AFF2: variants seen among roughly 807,000 people sequenced by gnomAD.
AFF2 encodes the protein ALF transcription elongation factor 2, also known as AF4/FMR2 family member 2.
Under a neutral mutation model 76.9 loss-of-function variants are expected in AFF2, and 14 were observed. The ratio of observed to expected loss-of-function variants is 0.18; its 90% confidence interval spans 0.12 to 0.28. The LOEUF is 0.28. Among genes scored for constraint, AFF2 ranks in the 10% least tolerant of loss-of-function variants. The pLI is 1.00. For missense variants in AFF2, 868 were observed against 1,001.1 expected, an observed-to-expected ratio of 0.87 and a Z score of 1.79; for synonymous variants, 398 against 366.7, an observed-to-expected ratio of 1.09 and a Z score of -0.98.
chrX:148,762,591 T>C (rs2069465661), intron 3 of AFF2, among the ~76,000 whole-genome samples: 1 of 109,048 alleles, frequency 9.2e-6, no homozygotes, highest in African/African-American at 3.4e-5. Context: ...ATGATGCTGC[T>C]TAAGCTAGAT....
intron 3 of AFF2, among the ~76,000 whole-genome samples, chrX:148,760,619 A>G (rs1398367671): frequency 2.7e-5 from 3 of 111,713 alleles, no homozygotes; most frequent in Non-Finnish European, 5.6e-5. Flanking sequence ...TGGAAGGGCA[A>G]GTTTTTAGTG....
intron 3 of AFF2, among the ~76,000 whole-genome samples, chrX:148,722,288 A>G (rs1837763691): frequency 9.0e-6 from 1 of 111,480 alleles, no homozygotes; most frequent in Non-Finnish European, 1.9e-5. Context: ...TTGTCAGAGT[A>G]TGGATTTCCC....
intron 1 of AFF2, among the ~76,000 whole-genome samples, chrX:148,567,049 C>T (rs1322655440): frequency 5.4e-5 from 6 of 111,866 alleles, no homozygotes; most frequent in African/African-American, 1.9e-4. Context: ...CAGTACTCCA[C>T]CTTACCTGCG....
Position 148,647,684 on chromosome X carries a change from G to A in AFF2, c.48-4315G>A, listed in dbSNP as rs142118423. On this transcript the variant is annotated intron_variant, in intron 1 of 20. Coordinates refer to ENST00000370460, the MANE Select transcript of AFF2 (RefSeq NM_002025.4). Reference sequence around the variant, plus strand: ...TCTGAAGTGTGATGGAAACACAGGAGGCAGAAGGGACAAACCATGTTGCTT... The same window carrying A: ...TCTGAAGTGTGATGGAAACACAGGAAGCAGAAGGGACAAACCATGTTGCTT... Among the ~76,000 whole-genome samples, 461 of 111,708 alleles carry A rather than the reference G, an allele frequency of 4.1e-3. 3 individuals carry two copies. The highest frequency in any genetic ancestry group is 0.014 in the African/African-American group (428 of 30,699).
At chrX:148,969,189 C>G (rs1557289211) in intron 15 of AFF2, among the ~76,000 whole-genome samples, 1 of 112,838 alleles carries the variant, frequency 8.9e-6, no homozygotes, top group African/African-American at 3.2e-5. Flanking sequence ...ATATGTATGT[C>G]TTTCAAGGGA....
chrX:148,873,411 T>A (rs1212330033), intron 7 of AFF2, among the ~76,000 whole-genome samples: 1 of 110,008 alleles, frequency 9.1e-6, no homozygotes, highest in Non-Finnish European at 1.9e-5. Context: ...TCAGCAAGAA[T>A]GGACACCTTT....
chrX:148,580,519 G>A (rs2053342908), intron 1 of AFF2, among the ~76,000 whole-genome samples: 1 of 111,383 alleles, frequency 9.0e-6, no homozygotes, highest in Non-Finnish European at 1.9e-5. Context: ...AATGTGTCTA[G>A]ATCAGGAATG....
At chrX:148,818,127 A>G (rs1427464609) in intron 4 of AFF2, among the ~76,000 whole-genome samples, 2 of 111,579 alleles carry the variant, frequency 1.8e-5, no homozygotes, top group African/African-American at 3.3e-5. Flanking sequence ...TGTAAAGAAT[A>G]AGAGGCATTA....
intron 2 of AFF2, among the ~76,000 whole-genome samples, chrX:148,655,375 A>C: frequency 9.3e-6 from 1 of 107,106 alleles, no homozygotes; most frequent in Non-Finnish European, 1.9e-5. Flanking sequence ...TCCCATGTTC[A>C]AGTGATTCTC....
intron 1 of AFF2, among the ~76,000 whole-genome samples, chrX:148,567,361 C>T (rs1277442867): frequency 2.7e-5 from 3 of 111,233 alleles, no homozygotes; most frequent in Non-Finnish European, 3.8e-5. Flanking sequence ...AATGTGGTCC[C>T]TGGAGAAGGG....
intron 1 of AFF2, among the ~76,000 whole-genome samples, chrX:148,597,466 G>A (rs1489778995): frequency 3.6e-5 from 4 of 111,897 alleles, no homozygotes; most frequent in Non-Finnish European, 7.5e-5. Flanking sequence ...TAATTACATT[G>A]ATCAGGATCA....
intron 3 of AFF2, among the ~76,000 whole-genome samples, chrX:148,681,458 T>C (rs1194711395): frequency 1.8e-5 from 2 of 110,491 alleles, no homozygotes; most frequent in Admixed American, 9.7e-5. Context: ...TATCCCACAC[T>C]GGATTCTTAG....
chrX:148,865,250 G>C (rs1290078117), intron 7 of AFF2, among the ~76,000 whole-genome samples: 1 of 112,608 alleles, frequency 8.9e-6, no homozygotes, highest in East Asian at 2.8e-4. Context: ...CTGAATTAAA[G>C]GCATCATTGC....
chrX:148,531,316 A>G (rs1603232781), intron 1 of AFF2, among the ~76,000 whole-genome samples: 1 of 111,999 alleles, frequency 8.9e-6, no homozygotes, highest in African/African-American at 3.2e-5. Context: ...AGAATTCTGA[A>G]TATTTATTTT....
chrX:148,785,343 G>A (rs1557269433), intron 3 of AFF2, among the ~76,000 whole-genome samples: 1 of 111,728 alleles, frequency 9.0e-6, no homozygotes, highest in Non-Finnish European at 1.9e-5. Context: ...ATGCAGCCTG[G>A]GAGGTGAAAT....
intron 9 of AFF2, among the ~76,000 whole-genome samples, chrX:148,933,412 T>C (rs1557284609): frequency 9.0e-6 from 1 of 111,478 alleles, no homozygotes; most frequent in East Asian, 2.8e-4. Flanking sequence ...AGATATGATC[T>C]GAATTATGTC....
chrX:148,975,943 CAAAA>C lies in AFF2; in HGVS notation c.3405-1972_3405-1969del, dbSNP rs59057839. Among the ~76,000 whole-genome samples, 22 of 22,721 alleles carry C rather than the reference CAAAA, an allele frequency of 9.7e-4. 1 individual carries two copies. The East Asian group carries it at 0.032, about 33-fold the overall frequency. The allele number at this position is 22,721 out of a possible 115,157, so 19.7% of individuals were successfully genotyped here. A position where few individuals can be genotyped will look rare whatever the true frequency, so the allele number is the denominator to read the frequency against. On this transcript the variant is annotated intron_variant, in intron 16 of 20. Transcript: ENST00000370460. ...TGGGCGACAGAGCGAGACTCCGTCT[CAAAA>C]AAAAAAAAAAAAAAAAATATGAAAG...
intron 3 of AFF2, among the ~76,000 whole-genome samples, chrX:148,801,816 C>T (rs1557270961): frequency 9.0e-6 from 1 of 111,711 alleles, no homozygotes; most frequent in Non-Finnish European, 1.9e-5. Flanking sequence ...ATTTCTCCAC[C>T]TCCTTTCACA....
At chrX:148,871,759 G>A (rs1398450277) in intron 7 of AFF2, among the ~76,000 whole-genome samples, 1 of 111,252 alleles carries the variant, frequency 9.0e-6, no homozygotes, top group African/African-American at 3.3e-5. Flanking sequence ...ACAGGATCTT[G>A]GCTTGGTCTC....
Sources: gnomAD v4.1 joint callset for allele counts (sites outside exome capture counted in the v4.1 genomes callset) on GRCh38, gnomAD v4.1.1 for gene constraint, MANE v1.5 for transcripts, NCBI Gene and HGNC (gene_info 2026-07-23, HGNC 2026-07-21) for gene names.